The following VPS26A variants were observed in gnomAD, a reference collection of about 807,000 sequenced individuals.
VPS26A encodes vacuolar protein sorting-associated protein 26A.
In VPS26A, 22 loss-of-function variants were observed where a neutral mutation model predicts 42.4. The ratio of observed to expected loss-of-function variants is 0.52; its 90% CI spans 0.37 to 0.74. The LOEUF is 0.74. Among genes scored for constraint, VPS26A ranks in the 30% least tolerant of loss-of-function variants. The probability of loss-of-function intolerance (pLI) is 0.00; values close to 1 mark genes in which losing one functional copy is unlikely to be tolerated. For synonymous variants in VPS26A, 110 were observed against 123.5 expected (o/e 0.89, Z 0.73); for missense variants, 276 against 379.2 (o/e 0.73, Z 2.26).
intron 1 of VPS26A, among the ~76,000 whole-genome samples, chr10:69,127,154 C>G (rs1175990536): frequency 1.5e-5 from 2 of 135,494 alleles, no homozygotes; most frequent in African/African-American, 5.4e-5. Context: ...CCATGTTGGC[C>G]AGACTGGTCT....
chr10:69,128,996 CAAAAAAAAAA>C (rs60820610), intron 1 of VPS26A, among the ~76,000 whole-genome samples: 1 of 68,396 alleles, frequency 1.5e-5, no homozygotes, highest in African/African-American at 5.5e-5. Flanking sequence ...GACTCTGTCT[CAAAAAAAAAA>C]AAAAAAAAAA....
intron 5 of VPS26A, chr10:69,161,666 C>T: frequency 2.9e-6 from 1 of 346,458 alleles, no homozygotes; most frequent in Non-Finnish European, 5.8e-6. Context: ...TTACCCATTC[C>T]CCAGTTTCTT....
At chr10:69,151,451 C>CAA (rs150296063) in intron 2 of VPS26A, among the ~76,000 whole-genome samples, 1,585 of 105,122 alleles carry the variant, frequency 0.015, 47 homozygotes, top group African/African-American at 0.058. Context: ...GACTCCGTCT[C>CAA]AAAAAAAAAA....
intron 7 of VPS26A, among the ~76,000 whole-genome samples, 181 bp downstream of exon 7, chr10:69,166,291 A>G (rs541823588): frequency 2.6e-5 from 4 of 152,316 alleles, no homozygotes; most frequent in African/African-American, 9.6e-5. Flanking sequence ...CCTAGTCTGA[A>G]ATAAGGTTTA....
chr10:69,137,441 T>A (rs1840938980), intron 2 of VPS26A, among the ~76,000 whole-genome samples: 1 of 152,154 alleles, frequency 6.6e-6, no homozygotes, highest in Non-Finnish European at 1.5e-5. Context: ...AGAAATTTCC[T>A]TGTTGTGCTA....
intron 1 of VPS26A, among the ~76,000 whole-genome samples, chr10:69,127,940 C>T (rs969571240): frequency 1.3e-5 from 2 of 151,846 alleles, no homozygotes; most frequent in East Asian, 1.9e-4. Flanking sequence ...TCAAGTGATC[C>T]TCCTGCTTCA....
At chr10:69,129,628 A>G (rs1283716534) in intron 1 of VPS26A, among the ~76,000 whole-genome samples, 3 of 151,798 alleles carry the variant, frequency 2.0e-5, no homozygotes, top group Admixed American at 6.6e-5. Flanking sequence ...GCTCACTGCA[A>G]CCTCCACCTC....
At chr10:69,143,481 A>G (rs570182813) in intron 2 of VPS26A, among the ~76,000 whole-genome samples, 2 of 152,152 alleles carry the variant, frequency 1.3e-5, no homozygotes, top group Non-Finnish European at 2.9e-5. Flanking sequence ...CTGTATGCCT[A>G]CTTTTCAGAG....
At chr10:69,127,990 G>T (rs1468079310) in intron 1 of VPS26A, among the ~76,000 whole-genome samples, 4 of 151,850 alleles carry the variant, frequency 2.6e-5, no homozygotes, top group Non-Finnish European at 4.4e-5. Flanking sequence ...GAGCCACTGT[G>T]TTCTGCTACT....
intron 7 of VPS26A, among the ~76,000 whole-genome samples, chr10:69,167,774 A>G (rs1841723810): frequency 6.6e-6 from 1 of 151,836 alleles, no homozygotes; most frequent in South Asian, 2.1e-4. Flanking sequence ...AAGAATATGC[A>G]AAGAATTACC....
intron 6 of VPS26A, 101 bp from the exon 7 acceptor site, chr10:69,165,941 G>A (rs1841677595): frequency 3.7e-5 from 43 of 1,167,476 alleles, no homozygotes; most frequent in South Asian, 3.3e-4. Context: ...GCGAGACACC[G>A]TCTCTAAAAA....
At chr10:69,129,597 G>T (rs1346469772) in intron 1 of VPS26A, among the ~76,000 whole-genome samples, 1 of 151,744 alleles carries the variant, frequency 6.6e-6, no homozygotes, top group Admixed American at 6.6e-5. Context: ...CCGAGGGCTG[G>T]AGTGCAGTGG....
intron 2 of VPS26A, among the ~76,000 whole-genome samples, chr10:69,144,522 A>T (rs1841113127): frequency 6.6e-6 from 1 of 152,204 alleles, no homozygotes; most frequent in Non-Finnish European, 1.5e-5. Flanking sequence ...TGTAGTTGGA[A>T]TCATATAGAA....
intron 8 of VPS26A, among the ~76,000 whole-genome samples, chr10:69,169,527 C>T (rs917204329): frequency 3.3e-5 from 5 of 150,824 alleles, no homozygotes; most frequent in Non-Finnish European, 7.4e-5. Context: ...AAACTCCTGG[C>T]CTAAAGTGAT....
At chr10:69,134,045 A>G (rs1840851366) in intron 2 of VPS26A, among the ~76,000 whole-genome samples, 1 of 152,184 alleles carries the variant, frequency 6.6e-6, no homozygotes, top group Non-Finnish European at 1.5e-5. Context: ...GTGATAGTGG[A>G]GAATGGTAAT....
chr10:69,161,035 C>T (rs1044083327), intron 5 of VPS26A, among the ~76,000 whole-genome samples: 1 of 152,130 alleles, frequency 6.6e-6, no homozygotes, highest in African/African-American at 2.4e-5. Context: ...AAAATATCTT[C>T]ATACACCAAA....
intron 8 of VPS26A, chr10:69,170,395 C>G (rs1841789542): frequency 6.6e-6 from 1 of 151,582 alleles, no homozygotes. Flanking sequence ...CCCATGTGCA[C>G]TCATTTGGAT....
chr10:69,155,028 T>C (rs1841402618), intron 2 of VPS26A, among the ~76,000 whole-genome samples: 1 of 152,168 alleles, frequency 6.6e-6, no homozygotes, highest in African/African-American at 2.4e-5. Context: ...CTCATGCCTG[T>C]ACTTCTAGCA....
At chr10:69,167,872 A>G (rs1841726507) in intron 7 of VPS26A, among the ~76,000 whole-genome samples, 1 of 152,172 alleles carries the variant, frequency 6.6e-6, no homozygotes, top group Non-Finnish European at 1.5e-5. Context: ...TTAGCTTTGA[A>G]TATATGAGTA....
Sources: gnomAD v4.1 joint callset for allele counts (sites outside exome capture counted in the v4.1 genomes callset) on GRCh38, gnomAD v4.1.1 for gene constraint, MANE v1.5 for transcripts, NCBI Gene and HGNC (gene_info 2026-07-23, HGNC 2026-07-21) for gene names.